The following TENM3 variants were observed in gnomAD, a reference collection of about 807,000 sequenced individuals.
The protein encoded by TENM3 is teneurin transmembrane protein 3.
In TENM3, 63 loss-of-function variants were observed where a neutral mutation model predicts 255.1. The observed-to-expected ratio is 0.25, with a 90% confidence interval of 0.20 to 0.30. The LOEUF (loss-of-function observed/expected upper bound fraction) is 0.30, where lower values mean the gene tolerates loss of function less well. Ranked by LOEUF, TENM3 falls within the 10% of genes least tolerant of loss-of-function variation. The pLI is 1.00. For missense variants in TENM3, 2,929 were observed against 3,461.1 expected (o/e 0.85, Z 3.86); for synonymous variants, 1,306 against 1,322.3 (o/e 0.99, Z 0.27).
the TENM3 span, among the ~76,000 whole-genome samples, chr4:181,633,358 G>C: frequency 6.6e-6 from 1 of 152,174 alleles, no homozygotes; most frequent in African/African-American, 2.4e-5. Flanking sequence ...AGATCATCTG[G>C]TGCAAATGAG....
chr4:181,929,115 G>T, the TENM3 span, among the ~76,000 whole-genome samples: 3 of 152,088 alleles, frequency 2.0e-5, no homozygotes, highest in South Asian at 4.2e-4. Flanking sequence ...AAGAAACTGC[G>T]TCAACCAACT....
the TENM3 span, among the ~76,000 whole-genome samples, chr4:182,062,733 C>T: frequency 6.6e-6 from 1 of 152,180 alleles, no homozygotes; most frequent in African/African-American, 2.4e-5. Flanking sequence ...ACTTTGGACT[C>T]CAAGTGGTTT....
intron 3 of TENM3, among the ~76,000 whole-genome samples, chr4:182,459,496 G>A (rs1013861247): frequency 2.0e-5 from 3 of 152,096 alleles, no homozygotes; most frequent in Non-Finnish European, 4.4e-5. Flanking sequence ...TATTTTTAAT[G>A]TGCAATTGTT....
chr4:182,075,528 C>G, the TENM3 span, among the ~76,000 whole-genome samples: 1 of 152,164 alleles, frequency 6.6e-6, no homozygotes, highest in African/African-American at 2.4e-5. Context: ...CTTCAAACAC[C>G]TTGTGGACAA....
At chr4:181,553,260 AGTGTGTGTGTGT>A in the TENM3 span, among the ~76,000 whole-genome samples, 59 of 133,556 alleles carry the variant, frequency 4.4e-4, no homozygotes, top group Middle Eastern at 4.1e-3. Flanking sequence ...ATAGTCATTA[AGTGTGTGTGTGT>A]GTGTGTGTGT....
At chr4:181,921,627 A>C in the TENM3 span, among the ~76,000 whole-genome samples, 1 of 152,100 alleles carries the variant, frequency 6.6e-6, no homozygotes, top group Non-Finnish European at 1.5e-5. Flanking sequence ...GCTTAAGGAG[A>C]TTTTGGGCTG....
chr4:182,552,391 T>C (rs1021936472), intron 3 of TENM3, among the ~76,000 whole-genome samples: 1 of 152,236 alleles, frequency 6.6e-6, no homozygotes, highest in Non-Finnish European at 1.5e-5. Flanking sequence ...CTCCTTATGT[T>C]TCAGATGCTG....
At chr4:181,673,186 A>G in the TENM3 span, among the ~76,000 whole-genome samples, 1 of 152,134 alleles carries the variant, frequency 6.6e-6, no homozygotes, top group South Asian at 2.1e-4. Context: ...GCGTATACCT[A>G]TTATTGTGTT....
chr4:182,242,185 T>G (rs1275420226), upstream of TENM3, among the ~76,000 whole-genome samples: 1 of 151,982 alleles, frequency 6.6e-6, no homozygotes, highest in East Asian at 1.9e-4. Context: ...ATTAGGTATA[T>G]CTCCTAATGC....
At chr4:181,469,604 T>C in the TENM3 span, among the ~76,000 whole-genome samples, 58 of 152,190 alleles carry the variant, frequency 3.8e-4, no homozygotes, top group African/African-American at 1.4e-3. Flanking sequence ...AAGAGCAAGC[T>C]GTTGGAGAAG....
upstream of TENM3, among the ~76,000 whole-genome samples, chr4:182,139,076 T>A (rs1228004858): frequency 3.9e-5 from 6 of 152,216 alleles, no homozygotes; most frequent in African/African-American, 1.4e-4. Context: ...GCAGCTCCTA[T>A]ATGCCAGCCC....
At chr4:182,752,068 T>A in intron 20 of TENM3, 36 bp downstream of exon 20, 6 of 1,227,164 alleles carry the variant, frequency 4.9e-6, no homozygotes, top group East Asian at 3.1e-5. Context: ...TTTCTTTTTA[T>A]TTATTAAAAA....
chr4:182,161,588 A>AAT lies in TENM3; in HGVS notation c.-76+16844_-76+16845dup, dbSNP rs202175815. On this transcript the variant is annotated intron_variant, in intron 1 of 2. Coordinates refer to the TENM3 transcript ENST00000512480. ...GGCAACAGAGTTGAGGCTCAGTCCAAATATATATATACATATATATATATG... is the reference window on the plus strand; with the variant it reads ...GGCAACAGAGTTGAGGCTCAGTCCAAATATATATATATACATATATATATATG... Among the ~76,000 whole-genome samples the AAT allele has an allele frequency of 9.8e-5, 12 of 123,068 alleles. 1 individual carries two copies. Among genetic ancestry groups the AAT allele is most frequent in the African/African-American group, 3.2e-4 (10 of 31,230 alleles). The allele number at this position is 123,068 out of a possible 152,430, so 80.7% of individuals were successfully genotyped here. A position where few individuals can be genotyped will look rare whatever the true frequency, so the allele number is the denominator to read the frequency against.
At chr4:181,943,203 G>C in the TENM3 span, among the ~76,000 whole-genome samples, 1 of 152,112 alleles carries the variant, frequency 6.6e-6, no homozygotes, top group Non-Finnish European at 1.5e-5. Flanking sequence ...CTGTGTATTT[G>C]AGCATAGAAG....
In TENM3 at chr4:182,799,719, G is replaced by A. The variant is rs1204311486; in HGVS notation, c.7468G>A (p.Ala2490Thr). The A allele has an allele frequency of 5.8e-6, 9 of 1,552,476 alleles. No homozygotes were observed. Among genetic ancestry groups the A allele is most frequent in the Non-Finnish European group, 7.0e-6 (8 of 1,148,432 alleles). ...CGGCGCGCAGTCCTGGCTGTGGTTC[G>A]CCACGGTCAAGTCGCTGATCGGCAA... The part of the protein sequence containing the change: ...AGGAQSWLWF[A>T]TVKSLIGKGV... The change falls in exon 28 of 28, where the codon GCC becomes ACC. Residue 2490 changes from alanine (A) to threonine (T), a missense_variant. Around this residue, in one of 6 missense-constraint regions of TENM3, gnomAD observed 476 missense variants for 480.1 expected, o/e 0.99. Coordinates refer to ENST00000511685, the MANE Select transcript of TENM3 (RefSeq NM_001080477.4). This position sits in a 1 kb window ranked among gnomAD's most constrained non-coding sequence, Gnocchi z 4.2.
At chr4:182,750,124 G>A (rs1762272390) in intron 19 of TENM3, among the ~76,000 whole-genome samples, 1 of 152,206 alleles carries the variant, frequency 6.6e-6, no homozygotes, top group South Asian at 2.1e-4. Flanking sequence ...TTAGGAAAAT[G>A]ATATCATAAC....
chr4:182,763,397 C>G (rs1579393632), intron 22 of TENM3, among the ~76,000 whole-genome samples: 2 of 152,192 alleles, frequency 1.3e-5, no homozygotes, highest in Admixed American at 6.5e-5. Flanking sequence ...AACCCCATCT[C>G]TACTAAAAAT....
At chr4:181,529,360 G>A in the TENM3 span, among the ~76,000 whole-genome samples, 52 of 152,352 alleles carry the variant, frequency 3.4e-4, no homozygotes, top group Admixed American at 3.2e-3. Flanking sequence ...CGATGACAGT[G>A]TAGTGTTAAC....
the TENM3 span, among the ~76,000 whole-genome samples, chr4:181,991,378 A>G: frequency 6.6e-6 from 1 of 152,294 alleles, no homozygotes. Flanking sequence ...CATGTCAGTG[A>G]TCATGGTGGG....
Sources: allele counts gnomAD v4.1 joint callset (sites outside exome capture counted in the v4.1 genomes callset), GRCh38; gene constraint gnomAD v4.1.1; regional missense constraint gnomAD v4.1.1; non-coding constraint Gnocchi (gnomAD v3.1); transcripts MANE v1.5; gene names NCBI Gene and HGNC (gene_info 2026-07-23, HGNC 2026-07-21).